Variants in DPP10 observed in about 807,000 individuals in gnomAD.
DPP10 encodes the protein inactive dipeptidyl peptidase 10.
Under a neutral mutation model 120.9 loss-of-function variants are expected in DPP10, and 33 were observed. The observed-to-expected ratio is 0.27, with a 90% CI of 0.21 to 0.37. The LOEUF is 0.37. Ranked by LOEUF, DPP10 falls within the 10% of genes least tolerant of loss-of-function variation. DPP10 has a pLI of 1.00. For missense variants in DPP10, 816 were observed against 942.8 expected, an observed-to-expected ratio of 0.87 and a Z score of 1.76; for synonymous variants, 337 against 326.1, an observed-to-expected ratio of 1.03 and a Z score of -0.36.
At chr2:114,990,594 A>C (rs1700701075) in intron 1 of DPP10, among the ~76,000 whole-genome samples, 1 of 152,100 alleles carries the variant, frequency 6.6e-6, no homozygotes, top group African/African-American at 2.4e-5. Flanking sequence ...ATACCCCAAC[A>C]GTTAATGTGA....
chr2:114,866,172 A>G (rs1015910963), intron 1 of DPP10, among the ~76,000 whole-genome samples: 5 of 151,060 alleles, frequency 3.3e-5, no homozygotes, highest in African/African-American at 1.2e-4. Context: ...TGTTTATTCA[A>G]AACAGTCATA....
At chr2:114,453,408 CT>C (rs1443484492) in intron 1 of DPP10, among the ~76,000 whole-genome samples, 2 of 152,016 alleles carry the variant, frequency 1.3e-5, no homozygotes, top group Non-Finnish European at 1.5e-5. Context: ...TCCTTCATTT[CT>C]TTTTTCTTTG....
At chr2:114,506,820 C>T (rs1476189395) in intron 1 of DPP10, among the ~76,000 whole-genome samples, 2 of 152,108 alleles carry the variant, frequency 1.3e-5, no homozygotes. Context: ...AAAGACAGCT[C>T]TCCTCCCCTC....
intron 1 of DPP10, among the ~76,000 whole-genome samples, chr2:115,257,607 C>T (rs907151084): frequency 1.3e-5 from 2 of 152,318 alleles, no homozygotes; most frequent in East Asian, 1.9e-4. Flanking sequence ...ATCTTCAACA[C>T]TGGGGATGAT....
intron 5 of DPP10, among the ~76,000 whole-genome samples, chr2:115,626,011 G>C (rs997952252): frequency 1.7e-4 from 26 of 150,612 alleles, no homozygotes; most frequent in Admixed American, 1.7e-3. Context: ...CTGTCTGTCT[G>C]CTTGGGTATA....
At chr2:115,192,183 A>G (rs964238946) in intron 1 of DPP10, among the ~76,000 whole-genome samples, 3 of 152,230 alleles carry the variant, frequency 2.0e-5, no homozygotes, top group African/African-American at 4.8e-5. Flanking sequence ...AAACTTGGGT[A>G]TAATATTTTC....
intron 3 of DPP10, among the ~76,000 whole-genome samples, chr2:115,447,832 G>A (rs2072750334): frequency 6.6e-6 from 1 of 152,140 alleles, no homozygotes; most frequent in Non-Finnish European, 1.5e-5. Flanking sequence ...GTGAAAATGG[G>A]CTATTATAGT....
chr2:115,528,384 T>A, intron 5 of DPP10, among the ~76,000 whole-genome samples: 1 of 148,512 alleles, frequency 6.7e-6, no homozygotes, highest in Non-Finnish European at 1.5e-5. Flanking sequence ...AATAAATAAA[T>A]AAAAACCAAA....
At chr2:114,570,604 T>C (rs1573682426) in intron 1 of DPP10, among the ~76,000 whole-genome samples, 1 of 151,626 alleles carries the variant, frequency 6.6e-6, no homozygotes, top group East Asian at 2.0e-4. Context: ...GGCAGGTGGA[T>C]CACGAGGTCA....
intron 1 of DPP10, among the ~76,000 whole-genome samples, chr2:114,987,028 C>T (rs1216847438): frequency 3.3e-5 from 5 of 152,160 alleles, no homozygotes; most frequent in East Asian, 1.9e-4. Context: ...GATCCTCCCA[C>T]CTCGGCCTCC....
At chr2:115,627,172 C>T (rs2085432706) in intron 5 of DPP10, among the ~76,000 whole-genome samples, 1 of 152,096 alleles carries the variant, frequency 6.6e-6, no homozygotes, top group Admixed American at 6.6e-5. Context: ...ACAAAAATGG[C>T]AGTTCTTTTA....
At chr2:114,548,280 C>G (rs537880548) in intron 1 of DPP10, among the ~76,000 whole-genome samples, 1 of 152,282 alleles carries the variant, frequency 6.6e-6, no homozygotes, top group South Asian at 2.1e-4. Flanking sequence ...TGCGGCATTC[C>G]TGATTCCGTC....
At chr2:115,384,724 A>G (rs1365006489) in intron 3 of DPP10, among the ~76,000 whole-genome samples, 2 of 151,738 alleles carry the variant, frequency 1.3e-5, no homozygotes, top group African/African-American at 2.4e-5. Flanking sequence ...AAGAAGAAGA[A>G]GAAGAAGAAG....
chr2:114,521,229 A>T (rs982297799), intron 1 of DPP10, among the ~76,000 whole-genome samples: 3 of 145,918 alleles, frequency 2.1e-5, no homozygotes, highest in African/African-American at 7.7e-5. Context: ...ATCAAATCTA[A>T]TCTGTCTCTC....
Position 115,258,580 on chromosome 2 carries a change from A to G in DPP10, c.61-50659A>G, listed in dbSNP as rs958438555. Among the ~76,000 whole-genome samples the G allele has an allele frequency of 3.1e-4, 47 of 152,360 alleles. 1 individual carries two copies. Among genetic ancestry groups the G allele is most frequent in the Admixed American group, 8.5e-4 (13 of 15,304 alleles). ...GAATAATTTGTAATAATAAATAAAC[A>G]TGCATTCAACATGTTAAATGAGAAA... On this transcript the variant is annotated intron_variant, in intron 1 of 25. Coordinates refer to ENST00000410059, the MANE Select transcript of DPP10 (RefSeq NM_020868.6).
intron 3 of DPP10, among the ~76,000 whole-genome samples, chr2:115,397,651 G>A (rs2067778042): frequency 2.0e-5 from 3 of 152,152 alleles, no homozygotes; most frequent in Admixed American, 2.0e-4. Context: ...CTCAGAAAGA[G>A]GCATGATGTT....
At chr2:115,573,266 G>T (rs921456303) in intron 5 of DPP10, among the ~76,000 whole-genome samples, 8 of 150,150 alleles carry the variant, frequency 5.3e-5, no homozygotes, top group Non-Finnish European at 1.2e-4. Context: ...TGAAGCCCAG[G>T]CTTCCTGGGA....
At chr2:115,803,813 C>T (rs560356005) in intron 19 of DPP10, among the ~76,000 whole-genome samples, 2,606 of 151,954 alleles carry the variant, frequency 0.017, 75 homozygotes, top group African/African-American at 0.058. Context: ...GTTAGTCTGA[C>T]AGGCTTCCCT....
intron 3 of DPP10, among the ~76,000 whole-genome samples, chr2:115,497,254 G>A (rs1471971856): frequency 1.3e-5 from 2 of 152,050 alleles, no homozygotes; most frequent in South Asian, 2.1e-4. Context: ...ACCCCTGAAC[G>A]AGGAGGGGAT....
Sources: gnomAD v4.1 joint callset for allele counts (sites outside exome capture counted in the v4.1 genomes callset) on GRCh38, gnomAD v4.1.1 for gene constraint, MANE v1.5 for transcripts, NCBI Gene and HGNC (gene_info 2026-07-23, HGNC 2026-07-21) for gene names.